Variants in DSCAM observed in about 807,000 individuals in gnomAD.
DSCAM encodes DS cell adhesion molecule, also known as cell adhesion molecule DSCAM.
A neutral mutation model predicts 217.7 loss-of-function variants in DSCAM; 47 were observed. That is an observed-to-expected ratio of 0.22 (90% CI 0.17 to 0.28). DSCAM has a LOEUF of 0.28. DSCAM is among the 10% of genes least tolerant of loss of function. The pLI is 1.00. For synonymous variants in DSCAM, 1,056 were observed against 1,015.3 expected (o/e 1.04, Z -0.76); for missense variants, 2,080 against 2,618.3 (o/e 0.79, Z 4.49).
At chr21:40,604,924 G>C (rs1206726363) in intron 3 of DSCAM, among the ~76,000 whole-genome samples, 1 of 152,156 alleles carries the variant, frequency 6.6e-6, no homozygotes, top group Non-Finnish European at 1.5e-5. Flanking sequence ...GGATAGAAGG[G>C]GGCACCAGTG....
chr21:40,468,675 C>T (rs148756790), intron 3 of DSCAM, among the ~76,000 whole-genome samples: 6 of 152,116 alleles, frequency 3.9e-5, no homozygotes, highest in East Asian at 1.9e-4. Flanking sequence ...AGAAGCATCT[C>T]GATAGCCTAA....
chr21:40,049,655 G>C (rs1036037218), intron 30 of DSCAM, among the ~76,000 whole-genome samples: 1 of 152,180 alleles, frequency 6.6e-6, no homozygotes, highest in African/African-American at 2.4e-5. Flanking sequence ...AGTGAAACCT[G>C]AATAAATACT....
At chr21:40,605,365 T>A (rs1349750906) in intron 3 of DSCAM, among the ~76,000 whole-genome samples, 2 of 152,196 alleles carry the variant, frequency 1.3e-5, no homozygotes, top group African/African-American at 2.4e-5. Flanking sequence ...GTCATAGATT[T>A]TCATTCTGTT....
intron 3 of DSCAM, among the ~76,000 whole-genome samples, chr21:40,536,636 G>A (rs1017479492): frequency 6.6e-5 from 10 of 152,200 alleles, no homozygotes; most frequent in Admixed American, 5.9e-4. Context: ...TCGATCTCCT[G>A]ACCTCGTGAT....
intron 4 of DSCAM, among the ~76,000 whole-genome samples, chr21:40,354,604 C>T (rs549292937): frequency 1.3e-5 from 2 of 152,110 alleles, no homozygotes; most frequent in Admixed American, 1.3e-4. Context: ...AATCCCAGCA[C>T]TTTGGGAGGC....
intron 27 of DSCAM, among the ~76,000 whole-genome samples, chr21:40,072,679 C>T (rs1339004828): frequency 6.6e-6 from 1 of 152,074 alleles, no homozygotes; most frequent in Non-Finnish European, 1.5e-5. Context: ...TGAGAGAACC[C>T]TTTATTAGCC....
chr21:40,776,927 A>G (rs939115682), intron 1 of DSCAM, among the ~76,000 whole-genome samples: 2 of 152,246 alleles, frequency 1.3e-5, no homozygotes, highest in African/African-American at 4.8e-5. Flanking sequence ...ATTATGGCAA[A>G]GAAAACAGGA....
intron 1 of DSCAM, among the ~76,000 whole-genome samples, chr21:40,754,908 C>A (rs767951113): frequency 2.2e-4 from 33 of 152,194 alleles, no homozygotes; most frequent in Non-Finnish European, 3.7e-4. Context: ...CTATGGTAAG[C>A]ATTTCATTTG....
At chr21:40,225,067 G>T (rs1319250791) in intron 11 of DSCAM, among the ~76,000 whole-genome samples, 1 of 152,160 alleles carries the variant, frequency 6.6e-6, no homozygotes, top group Non-Finnish European at 1.5e-5. Context: ...ATACACTCAG[G>T]TTGTGTACTG....
At chr21:40,769,548 T>C (rs1308848572) in intron 1 of DSCAM, among the ~76,000 whole-genome samples, 2 of 152,150 alleles carry the variant, frequency 1.3e-5, no homozygotes, top group African/African-American at 4.8e-5. Context: ...CAAGCCAGCC[T>C]CCTTCAACCA....
At position 40,087,233 on chromosome 21, in the gene DSCAM, T is replaced by C. The variant is rs1292557086; in HGVS notation, c.3905A>G (p.Asp1302Gly). 5.0e-6 allele frequency: 8 copies of C among 1,614,050 alleles called. No individual in the cohort carries two copies. The highest frequency in any genetic ancestry group is 6.8e-6 in the Non-Finnish European group (8 of 1,179,996). ...SGTVTTPWMK[D>G]IVLPCKAVGD... ...AACAGCCTTACAAGGCAAGACAATG[T>C]CTTTCATCCATGGAGTAGTCACTGT... Residue 1302 changes from aspartate to glycine, a missense_variant, in exon 22 of 33, where the codon GAC (aspartate) becomes GGC (glycine). Asp to Gly is a moderately conservative substitution (Grantham distance 94). This residue lies in a region of DSCAM where 1,144 missense variants were observed against 1,421.1 expected (regional missense o/e 0.81). Transcript: ENST00000400454.
At chr21:40,120,521 C>T (rs2090021724) in intron 20 of DSCAM, among the ~76,000 whole-genome samples, 2 of 152,198 alleles carry the variant, frequency 1.3e-5, no homozygotes, top group Admixed American at 1.3e-4. Flanking sequence ...AGGGTTATCT[C>T]ACGTCTTTGG....
At chr21:40,421,283 G>A (rs754594670) in intron 3 of DSCAM, among the ~76,000 whole-genome samples, 6 of 152,240 alleles carry the variant, frequency 3.9e-5, no homozygotes, top group East Asian at 3.9e-4. Flanking sequence ...ACCTGAACAC[G>A]CCTCCGAAAC....
intron 3 of DSCAM, among the ~76,000 whole-genome samples, chr21:40,634,535 G>A (rs1175663482): frequency 2.0e-5 from 3 of 152,194 alleles, no homozygotes; most frequent in African/African-American, 4.8e-5. Context: ...CCACAGCTCA[G>A]ATGCAACACG....
At chr21:40,374,559 C>T (rs982001774) in intron 3 of DSCAM, among the ~76,000 whole-genome samples, 1 of 152,134 alleles carries the variant, frequency 6.6e-6, no homozygotes, top group Non-Finnish European at 1.5e-5. Context: ...TATACTGAGT[C>T]CATGGAGTAT....
At position 40,115,678 on chromosome 21, in the gene DSCAM, A is replaced by G. The variant is rs2038804421; in HGVS notation, c.3696+8517T>C. 2.0e-5 allele frequency among the ~76,000 whole-genome samples: 3 copies of G among 152,242 alleles called. No individual in the cohort carries two copies. The South Asian group carries it at 6.2e-4, about 31-fold the overall frequency. On this transcript the variant is annotated intron_variant, in intron 20 of 32. Transcript: ENST00000400454. Reference sequence around the variant, plus strand: ...ACAGATGCTGGTGAGGTTGTGGAGAAAAAGGGATGCTCATACACTGTTGAT... The same window carrying G: ...ACAGATGCTGGTGAGGTTGTGGAGAGAAAGGGATGCTCATACACTGTTGAT...
At chr21:40,452,791 G>A (rs942255646) in intron 3 of DSCAM, among the ~76,000 whole-genome samples, 1 of 151,960 alleles carries the variant, frequency 6.6e-6, no homozygotes, top group Non-Finnish European at 1.5e-5. Flanking sequence ...GGTAATAGCT[G>A]CAAAGAAGAT....
chr21:40,818,146 A>G (rs554023784), intron 1 of DSCAM, among the ~76,000 whole-genome samples: 90 of 148,716 alleles, frequency 6.1e-4, no homozygotes, highest in Middle Eastern at 3.6e-3. Context: ...CCGGTGATGA[A>G]AGCTCCTTGG....
chr21:40,845,911 A>G (rs1389125388), intron 1 of DSCAM, among the ~76,000 whole-genome samples: 1 of 152,170 alleles, frequency 6.6e-6, no homozygotes, highest in Non-Finnish European at 1.5e-5. Context: ...CCAGGAAGAA[A>G]TCATTTCAAA....
Sources: gnomAD v4.1 joint callset for allele counts (sites outside exome capture counted in the v4.1 genomes callset) on GRCh38, gnomAD v4.1.1 for gene constraint, gnomAD v4.1.1 regional missense constraint, MANE v1.5 for transcripts, NCBI Gene and HGNC (gene_info 2026-07-23, HGNC 2026-07-21) for gene names.